The following NCALD variants were observed in gnomAD, a reference collection of about 807,000 sequenced individuals.
NCALD encodes the protein neurocalcin-delta.
A neutral mutation model predicts 18.6 loss-of-function variants in NCALD; 10 were observed. The observed-to-expected ratio is 0.54, with a 90% CI of 0.33 to 0.91. The LOEUF (loss-of-function observed/expected upper bound fraction) is 0.91. NCALD is among the 40% of genes least tolerant of loss of function. NCALD has a pLI of 0.03. For missense variants in NCALD, 184 were observed against 247.6 expected (o/e 0.74, Z 1.72); for synonymous variants, 88 against 87.4 (o/e 1.01, Z -0.04).
chr8:101,707,907 A>T (rs199667877), intron 2 of NCALD, among the ~76,000 whole-genome samples: 14 of 144,176 alleles, frequency 9.7e-5, no homozygotes, highest in African/African-American at 2.3e-4. Context: ...AATAAATAAT[A>T]AATAAATAAA....
intron 4 of NCALD, among the ~76,000 whole-genome samples, chr8:101,848,483 A>G (rs1016118179): frequency 5.3e-5 from 8 of 152,202 alleles, no homozygotes; most frequent in Non-Finnish European, 1.0e-4. Flanking sequence ...ATCCATATCC[A>G]AGATGCTTTC....
chr8:101,930,586 A>G (rs1563908086), intron 2 of NCALD, among the ~76,000 whole-genome samples: 1 of 151,796 alleles, frequency 6.6e-6, no homozygotes, highest in Non-Finnish European at 1.5e-5. Flanking sequence ...CCTAAATGGC[A>G]AGCAGGAGAA....
chr8:101,744,482 C>A (rs1810346372), intron 1 of NCALD, among the ~76,000 whole-genome samples: 1 of 152,230 alleles, frequency 6.6e-6, no homozygotes. Context: ...CCATCTCTAG[C>A]AAGACACGTA....
intron 1 of NCALD, among the ~76,000 whole-genome samples, chr8:102,089,182 C>G (rs1254297586): frequency 6.6e-6 from 1 of 152,128 alleles, no homozygotes; most frequent in Non-Finnish European, 1.5e-5. Context: ...ATCACAAGGT[C>G]AGGAGATGGA....
chr8:102,079,145 G>C (rs890229326), intron 1 of NCALD, among the ~76,000 whole-genome samples: 1 of 152,178 alleles, frequency 6.6e-6, no homozygotes, highest in African/African-American at 2.4e-5. Flanking sequence ...CAATATCTGT[G>C]TTTGGGAGTT....
intron 1 of NCALD, among the ~76,000 whole-genome samples, chr8:102,058,395 C>G (rs1383616984): frequency 6.6e-6 from 1 of 152,186 alleles, no homozygotes; most frequent in Non-Finnish European, 1.5e-5. Flanking sequence ...ATAATAAAAA[C>G]TAGGAAAAGA....
intron 4 of NCALD, among the ~76,000 whole-genome samples, chr8:101,839,319 C>G (rs553752110): frequency 6.6e-6 from 1 of 152,166 alleles, no homozygotes; most frequent in East Asian, 1.9e-4. Context: ...ATGTCCTGTT[C>G]ATGGAATTAT....
At chr8:101,979,960 T>C (rs1820556701) in intron 2 of NCALD, among the ~76,000 whole-genome samples, 1 of 152,090 alleles carries the variant, frequency 6.6e-6, no homozygotes, top group African/African-American at 2.4e-5. Flanking sequence ...AGGGGCCTCA[T>C]GAGCTCACTC....
At chr8:101,873,294 C>T (rs955226192) in intron 4 of NCALD, among the ~76,000 whole-genome samples, 2 of 152,180 alleles carry the variant, frequency 1.3e-5, no homozygotes, top group Non-Finnish European at 2.9e-5. Context: ...TCTTTCCTCC[C>T]AAGGTCTAAG....
At chr8:101,734,745 C>T (rs1338085481) in intron 1 of NCALD, among the ~76,000 whole-genome samples, 1 of 152,120 alleles carries the variant, frequency 6.6e-6, no homozygotes, top group Non-Finnish European at 1.5e-5. Context: ...TGGTAAAAAC[C>T]ACACCACATT....
At chr8:101,744,501 A>T (rs147337621) in intron 1 of NCALD, among the ~76,000 whole-genome samples, 111 of 152,370 alleles carry the variant, frequency 7.3e-4, no homozygotes, top group African/African-American at 2.5e-3. Context: ...TAGTGCTGGC[A>T]GATCTTAAAA....
chr8:101,931,506 T>A (rs1818571021), intron 2 of NCALD, among the ~76,000 whole-genome samples: 1 of 152,178 alleles, frequency 6.6e-6, no homozygotes, highest in African/African-American at 2.4e-5. Flanking sequence ...AACGTGTGCA[T>A]GACTCCATGT....
chr8:101,992,071 G>A (rs1039864468), intron 2 of NCALD, among the ~76,000 whole-genome samples: 2 of 152,198 alleles, frequency 1.3e-5, no homozygotes, highest in Admixed American at 1.3e-4. Flanking sequence ...TACACTCCAT[G>A]TGGCAAGATG....
At chr8:101,756,622 C>G (rs1407248663) in intron 1 of NCALD, among the ~76,000 whole-genome samples, 1 of 152,188 alleles carries the variant, frequency 6.6e-6, no homozygotes, top group Admixed American at 6.5e-5. Context: ...GACAGAGATA[C>G]TGGTTTGCCT....
intron 4 of NCALD, among the ~76,000 whole-genome samples, chr8:101,855,086 C>A (rs1815253635): frequency 6.6e-6 from 1 of 152,012 alleles, no homozygotes; most frequent in Non-Finnish European, 1.5e-5. Context: ...GAAGAGGAGT[C>A]AGAGAAGACA....
At chr8:101,709,998 G>A (rs1043148505) in intron 2 of NCALD, among the ~76,000 whole-genome samples, 1 of 152,212 alleles carries the variant, frequency 6.6e-6, no homozygotes, top group African/African-American at 2.4e-5. Context: ...CAGCCAAATA[G>A]GAACAGCTCC....
chr8:101,718,234 T>C (rs1816179742), intron 2 of NCALD, among the ~76,000 whole-genome samples: 1 of 152,156 alleles, frequency 6.6e-6, no homozygotes, highest in South Asian at 2.1e-4. Flanking sequence ...GCACCTTCCT[T>C]TTATTTATTT....
At chr8:101,952,830 G>A (rs1277986470) in intron 2 of NCALD, among the ~76,000 whole-genome samples, 2 of 152,202 alleles carry the variant, frequency 1.3e-5, no homozygotes, top group Non-Finnish European at 2.9e-5. Flanking sequence ...TTGTGAAGAT[G>A]AGAGCAGAGT....
chr8:101,705,133 A>G (rs549472650), intron 2 of NCALD, among the ~76,000 whole-genome samples: 1 of 152,178 alleles, frequency 6.6e-6, no homozygotes, highest in East Asian at 1.9e-4. Context: ...AGGCTGAGGC[A>G]GGAGAATCGC....
Sources: gnomAD v4.1 joint callset for allele counts (sites outside exome capture counted in the v4.1 genomes callset) on GRCh38, gnomAD v4.1.1 for gene constraint, MANE v1.5 for transcripts, NCBI Gene and HGNC (gene_info 2026-07-23, HGNC 2026-07-21) for gene names.